PPP2R2C: variants seen among roughly 807,000 people sequenced by gnomAD.
PPP2R2C encodes the protein protein phosphatase 2 regulatory subunit Bgamma, also known as protein phosphatase 2, regulatory subunit B, gamma.
In PPP2R2C, 10 loss-of-function variants were observed where a neutral mutation model predicts 45.3. The ratio of observed to expected loss-of-function variants is 0.22; its 90% CI spans 0.14 to 0.37. The LOEUF is 0.37. PPP2R2C is among the 10% of genes least tolerant of loss of function. The probability of loss-of-function intolerance (pLI) is 1.00; values close to 1 mark genes in which losing one functional copy is unlikely to be tolerated. For missense variants in PPP2R2C, 308 were observed against 619.7 expected, an observed-to-expected ratio of 0.50 and a Z score of 5.34; for synonymous variants, 257 against 245.4, an observed-to-expected ratio of 1.05 and a Z score of -0.44.
intron 1 of PPP2R2C, among the ~76,000 whole-genome samples, chr4:6,429,952 G>A (rs1464803680): frequency 1.3e-5 from 2 of 152,142 alleles, no homozygotes; most frequent in East Asian, 1.9e-4. Context: ...AAGGCCCAGA[G>A]AAGTCACACA....
intron 1 of PPP2R2C, among the ~76,000 whole-genome samples, chr4:6,407,017 G>A (rs1371658373): frequency 6.6e-6 from 1 of 152,134 alleles, no homozygotes; most frequent in African/African-American, 2.4e-5. Flanking sequence ...GCAGAACTTA[G>A]AGTAATGTGG....
chr4:6,424,869 C>T lies in PPP2R2C; in HGVS notation c.71-43775G>A, dbSNP rs529234710. Among the ~76,000 whole-genome samples, 12 of 152,318 alleles carry T rather than the reference C, an allele frequency of 7.9e-5. No homozygotes were observed. In the South Asian group the frequency reaches 2.5e-3, roughly 32 times the overall value. ...GTGAGCCAAGGCTAAGACCGTACAGCCAGAGTTTCTGGGTTCAAATCCCAA... is the reference window on the plus strand; with the variant it reads ...GTGAGCCAAGGCTAAGACCGTACAGTCAGAGTTTCTGGGTTCAAATCCCAA... On this transcript the variant is annotated intron_variant, in intron 1 of 8. Transcript: ENST00000382599.
intron 2 of PPP2R2C, among the ~76,000 whole-genome samples, chr4:6,487,002 C>T (rs1209121487): frequency 3.3e-5 from 5 of 151,990 alleles, no homozygotes; most frequent in African/African-American, 9.7e-5. Flanking sequence ...TTCTTAGTTA[C>T]AACTCTTATT....
intron 1 of PPP2R2C, among the ~76,000 whole-genome samples, chr4:6,454,491 G>A (rs568596096): frequency 1.3e-5 from 2 of 152,184 alleles, no homozygotes; most frequent in African/African-American, 4.8e-5. Flanking sequence ...CTGGAGAGGG[G>A]AGCCCCGCCT....
intron 4 of PPP2R2C, 31 bp from the exon 5 acceptor site, chr4:6,372,731 G>A (rs377610182): frequency 6.2e-7 from 1 of 1,606,880 alleles, no homozygotes; most frequent in African/African-American, 1.3e-5. Context: ...GGGAAGAGGT[G>A]AAGGCCAGGT....
At chr4:6,536,187 C>T (rs1577245655) in intron 1 of PPP2R2C, among the ~76,000 whole-genome samples, 2 of 152,172 alleles carry the variant, frequency 1.3e-5, no homozygotes. Flanking sequence ...GAACTATAAA[C>T]CCGGGATTAT....
chr4:6,547,392 C>T (rs1190230045), intron 1 of PPP2R2C, among the ~76,000 whole-genome samples: 1 of 151,960 alleles, frequency 6.6e-6, no homozygotes, highest in African/African-American at 2.4e-5. Flanking sequence ...GATAAGGAAG[C>T]TAACCAAGGA....
At chr4:6,405,831 G>A (rs62284470) in intron 1 of PPP2R2C, among the ~76,000 whole-genome samples, 342 of 152,280 alleles carry the variant, frequency 2.2e-3, no homozygotes, top group Non-Finnish European at 3.5e-3. Flanking sequence ...CATGGGGAAC[G>A]GCTTCGCGGA....
chr4:6,358,665 A>C (rs7435090), intron 5 of PPP2R2C, among the ~76,000 whole-genome samples: 1 of 152,058 alleles, frequency 6.6e-6, no homozygotes, highest in African/African-American at 2.4e-5. Flanking sequence ...ATCAAACAAC[A>C]CCATCAAAAA....
chr4:6,359,736 G>A (rs1412412690), intron 5 of PPP2R2C, among the ~76,000 whole-genome samples: 2 of 152,134 alleles, frequency 1.3e-5, no homozygotes, highest in Non-Finnish European at 2.9e-5. Context: ...GGCTGGAGGA[G>A]GTGGCTGCAC....
At chr4:6,512,581 GTGGTGA>G (rs1723688946) in intron 2 of PPP2R2C, among the ~76,000 whole-genome samples, 3 of 112,512 alleles carry the variant, frequency 2.7e-5, no homozygotes, top group African/African-American at 1.0e-4. Context: ...GATGGTGATG[GTGGTGA>G]TGGTGATGGT....
chr4:6,370,784 C>A (rs1169048177), intron 5 of PPP2R2C, among the ~76,000 whole-genome samples: 1 of 152,208 alleles, frequency 6.6e-6, no homozygotes, highest in African/African-American at 2.4e-5. Context: ...CAGAAAGAGT[C>A]TAACCAACTG....
chr4:6,480,420 G>A lies in PPP2R2C; in HGVS notation c.49+54851C>T, dbSNP rs554122775. Among the ~76,000 whole-genome samples, 16 of 152,308 alleles carry A rather than the reference G, an allele frequency of 1.1e-4. No homozygotes were observed. In the South Asian group the frequency reaches 2.7e-3, roughly 26 times the overall value. On this transcript the variant is annotated intron_variant, in intron 2 of 9. Coordinates refer to the PPP2R2C transcript ENST00000506140. Reference sequence around the variant, plus strand: ...TGTGTTTGATGATGTCACGATGGTAGCTAGACATCAGCCATGGCAGAGTAT... The same window carrying A: ...TGTGTTTGATGATGTCACGATGGTAACTAGACATCAGCCATGGCAGAGTAT...
chr4:6,388,933 CA>C (rs1716414339), intron 1 of PPP2R2C, among the ~76,000 whole-genome samples: 1 of 152,166 alleles, frequency 6.6e-6, no homozygotes, highest in South Asian at 2.1e-4. Context: ...GTGCAGGCTC[CA>C]GCCCCCGAGA....
intron 1 of PPP2R2C, among the ~76,000 whole-genome samples, chr4:6,389,475 G>A (rs537452260): frequency 2.0e-5 from 3 of 152,308 alleles, no homozygotes; most frequent in African/African-American, 7.2e-5. Flanking sequence ...GATGGAGGTG[G>A]GCGAGGAAGG....
chr4:6,450,719 T>A (rs899832323), intron 1 of PPP2R2C, among the ~76,000 whole-genome samples: 2 of 152,146 alleles, frequency 1.3e-5, no homozygotes, highest in African/African-American at 4.8e-5. Flanking sequence ...AATCCTGGCC[T>A]ACCCATTCCT....
chr4:6,438,972 G>T (rs1560547711), intron 1 of PPP2R2C, among the ~76,000 whole-genome samples: 1 of 152,196 alleles, frequency 6.6e-6, no homozygotes, highest in African/African-American at 2.4e-5. Context: ...ACACACGGCA[G>T]CTTCCATTTG....
At chr4:6,400,077 C>G (rs1416436925) in intron 1 of PPP2R2C, among the ~76,000 whole-genome samples, 1 of 152,220 alleles carries the variant, frequency 6.6e-6, no homozygotes, top group South Asian at 2.1e-4. Context: ...TTGAGTTTCA[C>G]CCATCACCTA....
intron 1 of PPP2R2C, among the ~76,000 whole-genome samples, chr4:6,404,686 C>T (rs1357099846): frequency 6.6e-6 from 1 of 152,066 alleles, no homozygotes; most frequent in Non-Finnish European, 1.5e-5. Context: ...TTAACAGATT[C>T]CAAGGGGGGT....
Sources: allele counts gnomAD v4.1 joint callset (sites outside exome capture counted in the v4.1 genomes callset), GRCh38; gene constraint gnomAD v4.1.1; transcripts MANE v1.5; gene names NCBI Gene and HGNC (gene_info 2026-07-23, HGNC 2026-07-21).